The following SPATS2 variants were observed in gnomAD, a reference collection of about 807,000 sequenced individuals.
SPATS2 encodes spermatogenesis associated serine rich 2.
A neutral mutation model predicts 63.7 loss-of-function variants in SPATS2; 38 were observed. The ratio of observed to expected loss-of-function variants is 0.60; its 90% CI spans 0.46 to 0.78. The LOEUF is 0.78. Ranked by LOEUF, SPATS2 falls within the 30% of genes least tolerant of loss-of-function variation. SPATS2 has a pLI of 0.00. For missense variants in SPATS2, 588 were observed against 666.2 expected (o/e 0.88, Z 1.29); for synonymous variants, 207 against 232.9 (o/e 0.89, Z 1.01).
At chr12:49,389,887 T>C (rs1327899569) in intron 2 of SPATS2, 14 of 824,796 alleles carry the variant, frequency 1.7e-5, no homozygotes, top group Non-Finnish European at 2.6e-5. Context: ...GGAAAAATAA[T>C]GAAGTTAACA....
intron 2 of SPATS2, among the ~76,000 whole-genome samples, chr12:49,414,221 G>A (rs1944846750): frequency 6.6e-6 from 1 of 152,034 alleles, no homozygotes; most frequent in South Asian, 2.1e-4. Flanking sequence ...TTATGGGAAG[G>A]GAGTTTTAAT....
chr12:49,385,833 TTTG>T (rs1292977576), intron 2 of SPATS2, among the ~76,000 whole-genome samples: 1 of 142,024 alleles, frequency 7.0e-6, no homozygotes, highest in Non-Finnish European at 1.5e-5. Context: ...TGGGGTTTTT[TTTG>T]TTTTTTGTTT....
intron 11 of SPATS2, among the ~76,000 whole-genome samples, chr12:49,521,567 C>A (rs981806276): frequency 3.9e-5 from 6 of 152,100 alleles, no homozygotes; most frequent in Non-Finnish European, 5.9e-5. Flanking sequence ...TTCATCTGTT[C>A]CTCTTCCCAC....
chr12:49,392,621 G>T (rs758673822), intron 2 of SPATS2, among the ~76,000 whole-genome samples: 1 of 152,020 alleles, frequency 6.6e-6, no homozygotes, highest in Non-Finnish European at 1.5e-5. Context: ...GCTGAGGCAG[G>T]AGAATTGTTT....
intron 9 of SPATS2, among the ~76,000 whole-genome samples, chr12:49,513,744 G>A (rs1021194650): frequency 2.0e-5 from 3 of 152,186 alleles, no homozygotes; most frequent in African/African-American, 7.2e-5. Context: ...GTCAGCTGTT[G>A]AAGACATACA....
At chr12:49,469,542 T>TAAAAAAAAAAAAAAAAA (rs748722366) in intron 3 of SPATS2, 2 of 319,702 alleles carry the variant, frequency 6.3e-6, no homozygotes, top group Non-Finnish European at 5.9e-6. Context: ...GCTGGGTCTC[T>TAAAAAAAAAAAAAAAAA]AAAAAAAAAA....
At chr12:49,436,202 C>A (rs1432564140) in intron 2 of SPATS2, among the ~76,000 whole-genome samples, 8 of 151,292 alleles carry the variant, frequency 5.3e-5, no homozygotes, top group African/African-American at 1.9e-4. Flanking sequence ...GGGCTCCTCA[C>A]TTCCCAGTAG....
intron 2 of SPATS2, among the ~76,000 whole-genome samples, chr12:49,374,773 C>T (rs763574661): frequency 6.6e-6 from 1 of 151,924 alleles, no homozygotes; most frequent in Non-Finnish European, 1.5e-5. Context: ...GCGGTCTGGC[C>T]AACATGGCGA....
chr12:49,524,390 G>A (rs1946996229), intron 12 of SPATS2, among the ~76,000 whole-genome samples: 1 of 152,168 alleles, frequency 6.6e-6, no homozygotes. Context: ...AGGAGTTTAG[G>A]TAGTACTAGA....
At position 49,461,010 on chromosome 12, in the gene SPATS2, AC is replaced by A; in HGVS notation, c.-2del. 1 of 1,613,976 alleles carries A rather than the reference AC, an allele frequency of 6.2e-7. No homozygotes were observed. The highest frequency in any genetic ancestry group is 8.5e-7 in the Non-Finnish European group (1 of 1,179,946). On this transcript the variant is annotated 5_prime_UTR_variant, in exon 3 of 14. Coordinates refer to ENST00000552918, the MANE Select transcript of SPATS2 (RefSeq NM_023071.4). ...TATATTTTTTGAGATCGAAGAAACG[AC>A]AATGTCCAGGAAACAGAACCAGAAG...
rs1321913339 is a variant in SPATS2 at position 49,524,717 on chromosome 12, C to T, written c.1147C>T (p.Arg383Ter). 4.3e-6 allele frequency: 7 copies of T among 1,614,030 alleles called. No individual in the cohort carries two copies. The highest frequency in any genetic ancestry group is 2.2e-5 in the East Asian group (1 of 44,908). Residue 383 changes from arginine (R) to a stop codon, truncating the protein, a stop_gained, in exon 13 of 14, where the codon CGA (arginine) becomes TGA (stop). Transcript: ENST00000552918. LOFTEE classifies it high-confidence loss of function. ...AAAGAACAGCTATTCGACCAGATCCCGATGTAGCTCAGTTACATCTGTGTC... is the reference window on the plus strand; with the variant it reads ...AAAGAACAGCTATTCGACCAGATCCTGATGTAGCTCAGTTACATCTGTGTC... ...HPKNSYSTRSRCSSVTSVSLS... is the reference protein window; with the variant it reads ...HPKNSYSTRS
At chr12:49,494,701 CTTTCT>C (rs760927933) in intron 6 of SPATS2, 35 bp from the exon 7 acceptor site, 23 of 1,469,340 alleles carry the variant, frequency 1.6e-5, no homozygotes, top group Non-Finnish European at 1.8e-5. Context: ...GGAATCTTTT[CTTTCT>C]TTTCTTTTCT....
intron 2 of SPATS2, among the ~76,000 whole-genome samples, chr12:49,429,858 G>T (rs1945149554): frequency 1.4e-5 from 2 of 148,058 alleles, no homozygotes; most frequent in African/African-American, 2.5e-5. Flanking sequence ...TCAGCTCACT[G>T]CAACCTCCGC....
At chr12:49,490,311 C>CA in intron 5 of SPATS2, 1 of 176,988 alleles carries the variant, frequency 5.7e-6, no homozygotes, top group African/African-American at 2.4e-5. Context: ...ACAACATAGC[C>CA]AAGGTGGGTG....
chr12:49,520,727 ATTT>A (rs554919186), intron 11 of SPATS2, among the ~76,000 whole-genome samples: 1 of 143,240 alleles, frequency 7.0e-6, no homozygotes, highest in Admixed American at 7.0e-5. Context: ...TACCTTTTTA[ATTT>A]TTTTTTTTTT....
At chr12:49,415,167 T>A (rs1944868316) in intron 2 of SPATS2, among the ~76,000 whole-genome samples, 1 of 151,862 alleles carries the variant, frequency 6.6e-6, no homozygotes, top group African/African-American at 2.4e-5. Flanking sequence ...CCTGACCACC[T>A]GATCTGCCCC....
chr12:49,421,423 AAAAAAAAAAAAAAAAAAAAAC>A (rs923497110), intron 2 of SPATS2, among the ~76,000 whole-genome samples: 16 of 149,624 alleles, frequency 1.1e-4, no homozygotes, highest in Non-Finnish European at 2.2e-4. Flanking sequence ...TCTCAAAAAA[AAAAAAAAAAAAAAAAAAAAAC>A]AACCTTTGCA....
At chr12:49,398,054 T>G (rs1328024698) in intron 2 of SPATS2, among the ~76,000 whole-genome samples, 1 of 143,916 alleles carries the variant, frequency 6.9e-6, no homozygotes, top group African/African-American at 2.6e-5. Flanking sequence ...GGTGTGAGGA[T>G]TGCTTGGGCC....
At chr12:49,521,315 G>A (rs946997645) in intron 11 of SPATS2, among the ~76,000 whole-genome samples, 4 of 152,158 alleles carry the variant, frequency 2.6e-5, no homozygotes, top group East Asian at 3.9e-4. Context: ...CCTTACTATC[G>A]TCTGACCCAG....
Sources: allele counts gnomAD v4.1 joint callset (sites outside exome capture counted in the v4.1 genomes callset), GRCh38; gene constraint gnomAD v4.1.1; transcripts MANE v1.5; gene names NCBI Gene and HGNC (gene_info 2026-07-23, HGNC 2026-07-21).